The following RNU11 variants were observed in gnomAD, a reference collection of about 807,000 sequenced individuals.
RNU11 encodes RNA, U11 small nuclear.
chr1:28,648,725 G>C (rs140958489), exon 1 of RNU11: 1 of 153,614 alleles, frequency 6.5e-6, no homozygotes, highest in Admixed American at 6.6e-5. Flanking sequence ...CGTTGGTCCC[G>C]GCGCCCTTTC....
At chr1:28,648,643 T>TGCG (rs1668275669) in exon 1 of RNU11, 1 of 155,192 alleles carries the variant, frequency 6.4e-6, no homozygotes, top group Non-Finnish European at 1.4e-5. Flanking sequence ...GGCAACTCGA[T>TGCG]TGCTCTGCGT....
At chr1:28,648,716 G>C (rs376687394) in exon 1 of RNU11, 2 of 153,586 alleles carry the variant, frequency 1.3e-5, no homozygotes, top group Non-Finnish European at 1.5e-5. Flanking sequence ...GCTGGTGATC[G>C]TTGGTCCCGG....
Position 28,648,645 on chromosome 1 carries a change from G to A in RNU11, n.46G>A, listed in dbSNP as rs150827432. The A allele has an allele frequency of 2.6e-3, 410 of 155,222 alleles. 1 individual carries two copies. Among genetic ancestry groups the A allele is most frequent in the Admixed American group, 5.0e-3 (76 of 15,290 alleles). 9.6% of individuals were successfully genotyped at this position (155,222 alleles called of 1,614,324 possible). ...GTGGCACACGTAGGGCAACTCGATT[G>A]CTCTGCGTGCGGAATCGACATCAAG... On this transcript the variant is annotated non_coding_transcript_exon_variant, in exon 1 of 1. Transcript: ENST00000387069.
At chr1:28,648,681 A>C (rs537786519) in exon 1 of RNU11, 1 of 154,192 alleles carries the variant, frequency 6.5e-6, no homozygotes, top group African/African-American at 2.4e-5. Flanking sequence ...AGATTTCGGA[A>C]GCATAATTTT....
At chr1:28,648,634 G>T (rs373976145) in exon 1 of RNU11, 1 of 156,358 alleles carries the variant, frequency 6.4e-6, no homozygotes, top group South Asian at 2.0e-4. Flanking sequence ...CACACGTAGG[G>T]CAACTCGATT....
exon 1 of RNU11, chr1:28,648,708 T>C (rs760208440): frequency 1.3e-5 from 2 of 153,768 alleles, no homozygotes; most frequent in African/African-American, 4.8e-5. Flanking sequence ...TTTGGGCAGC[T>C]GGTGATCGTT....
At chr1:28,648,629 G>A (rs148272263) in exon 1 of RNU11, 19 of 157,114 alleles carry the variant, frequency 1.2e-4, no homozygotes, top group East Asian at 5.8e-4. Flanking sequence ...AGTGGCACAC[G>A]TAGGGCAACT....
In RNU11 at chr1:28,648,641, G is replaced by A. The variant is rs368700594; in HGVS notation, n.42G>A. The A allele has an allele frequency of 6.6e-4, 103 of 155,462 alleles. 1 individual carries two copies. The highest frequency in any genetic ancestry group is 1.0e-3 in the Non-Finnish European group (73 of 69,560). The allele number at this position is 155,462 out of a possible 1,614,324, so 9.6% of individuals were successfully genotyped here. On this transcript the variant is annotated non_coding_transcript_exon_variant, in exon 1 of 1. Coordinates refer to ENST00000387069, the Ensembl canonical transcript of RNU11. ...GTGAGTGGCACACGTAGGGCAACTCGATTGCTCTGCGTGCGGAATCGACAT... is the reference window on the plus strand; with the variant it reads ...GTGAGTGGCACACGTAGGGCAACTCAATTGCTCTGCGTGCGGAATCGACAT...
exon 1 of RNU11, chr1:28,648,631 A>C (rs370788993): frequency 7.7e-5 from 12 of 156,836 alleles, no homozygotes; most frequent in Non-Finnish European, 1.7e-4. Context: ...TGGCACACGT[A>C]GGGCAACTCG....
exon 1 of RNU11, chr1:28,648,663 A>C (rs1032949690): frequency 6.5e-6 from 1 of 154,294 alleles, no homozygotes; most frequent in Non-Finnish European, 1.5e-5. Context: ...TGCGGAATCG[A>C]CATCAAGAGA....
At chr1:28,648,699 T>TA (rs1218842588) in exon 1 of RNU11, 5 of 153,892 alleles carry the variant, frequency 3.2e-5, no homozygotes, top group Admixed American at 2.0e-4. Context: ...TTTTTGGTAT[T>TA]TGGGCAGCTG....
At chr1:28,648,607 G>C (rs563257836) in exon 1 of RNU11, 1 of 172,326 alleles carries the variant, frequency 5.8e-6, no homozygotes, top group Non-Finnish European at 1.2e-5. Flanking sequence ...AGCAAAAAGG[G>C]CTTCTGTCGT....
At chr1:28,648,641 G>T (rs368700594) in exon 1 of RNU11, 2 of 155,344 alleles carry the variant, frequency 1.3e-5, no homozygotes, top group Non-Finnish European at 1.4e-5. Context: ...AGGGCAACTC[G>T]ATTGCTCTGC....
exon 1 of RNU11, chr1:28,648,635 C>CA (rs1668274161): frequency 6.4e-6 from 1 of 156,088 alleles, no homozygotes; most frequent in South Asian, 2.0e-4. Flanking sequence ...ACACGTAGGG[C>CA]AACTCGATTG....
chr1:28,648,663 A>T (rs1032949690), exon 1 of RNU11: 1 of 154,294 alleles, frequency 6.5e-6, no homozygotes, highest in Non-Finnish European at 1.5e-5. Context: ...TGCGGAATCG[A>T]CATCAAGAGA....
At chr1:28,648,669 A>C (rs374428267) in exon 1 of RNU11, 5 of 154,206 alleles carry the variant, frequency 3.2e-5, no homozygotes, top group African/African-American at 9.7e-5. Context: ...ATCGACATCA[A>C]GAGATTTCGG....
At chr1:28,648,728 G>C (rs567115801) in exon 1 of RNU11, 1 of 153,470 alleles carries the variant, frequency 6.5e-6, no homozygotes, top group Non-Finnish European at 1.5e-5. Context: ...TGGTCCCGGC[G>C]CCCTTTCTTT....
exon 1 of RNU11, chr1:28,648,697 A>T (rs111868204): frequency 6.5e-6 from 1 of 153,814 alleles, no homozygotes; most frequent in South Asian, 2.1e-4. Flanking sequence ...ATTTTTTGGT[A>T]TTTGGGCAGC....
At position 28,648,635 on chromosome 1, in the gene RNU11, C is replaced by T. The variant is rs141438056; in HGVS notation, n.36C>T. The T allele has an allele frequency of 2.8e-3, 433 of 156,204 alleles. 3 individuals carry two copies. The highest frequency in any genetic ancestry group is 6.6e-3 in the Middle Eastern group (2 of 302). The allele number at this position is 156,204 out of a possible 1,614,324, so 9.7% of individuals were successfully genotyped here. On this transcript the variant is annotated non_coding_transcript_exon_variant, in exon 1 of 1. Transcript: ENST00000387069. ...TCTGTCGTGAGTGGCACACGTAGGG[C>T]AACTCGATTGCTCTGCGTGCGGAAT...
Sources: allele counts gnomAD v4.1 joint callset, GRCh38; gene constraint gnomAD v4.1.1; transcripts MANE v1.5; gene names NCBI Gene and HGNC (gene_info 2026-07-23, HGNC 2026-07-21).